The following ZNF423 variants were observed in gnomAD, a reference collection of about 807,000 sequenced individuals.
ZNF423 encodes Ebf-associated zinc finger protein.
ZNF423 carries 12 observed loss-of-function variants against 95.8 expected under a neutral mutation model. The observed-to-expected ratio is 0.13, with a 90% confidence interval of 0.08 to 0.20. The LOEUF is 0.20. Ranked by LOEUF, ZNF423 falls within the 10% of genes least tolerant of loss-of-function variation. The pLI is 1.00. For synonymous variants in ZNF423, 749 were observed against 711.9 expected (o/e 1.05, Z -0.83); for missense variants, 1,316 against 1,737.1 (o/e 0.76, Z 4.31).
intron 3 of ZNF423, among the ~76,000 whole-genome samples, chr16:49,646,574 C>CTTTTTTTTTTTTTTTTTTTTTTTT (rs71380366): frequency 2.7e-4 from 32 of 117,978 alleles, no homozygotes; most frequent in African/African-American, 7.4e-4. Flanking sequence ...TTTTCTTTTT[C>CTTTTTTTTTTTTTTTTTTTTTTTT]TTTTTTTTTT....
chr16:49,755,017 A>G (rs1189978343), intron 2 of ZNF423, among the ~76,000 whole-genome samples: 2 of 152,198 alleles, frequency 1.3e-5, no homozygotes, highest in Non-Finnish European at 2.9e-5. Context: ...CGGTGCGGCT[A>G]TCTTCCGCGG....
chr16:49,635,162 C>T lies in ZNF423; in HGVS notation c.3516+498G>A, dbSNP rs1972641337. Among the ~76,000 whole-genome samples the T allele has an allele frequency of 6.6e-6, 1 of 152,184 alleles. No individual in the cohort carries two copies. Among genetic ancestry groups the T allele is most frequent in the Non-Finnish European group, 1.5e-5 (1 of 68,036 alleles). On this transcript the variant is annotated intron_variant, in intron 4 of 7. Transcript: ENST00000563137. The surrounding 1 kb of genome is among the most constrained non-coding windows in gnomAD (Gnocchi z 4.8). Reference sequence around the variant, plus strand: ...GAGCCATGAGTGCTGGGCTCTCGGCCCCTTGTGTGTGTGTGATCTCTATGA... The same window carrying T: ...GAGCCATGAGTGCTGGGCTCTCGGCTCCTTGTGTGTGTGTGATCTCTATGA...
intron 3 of ZNF423, among the ~76,000 whole-genome samples, chr16:49,679,776 T>C (rs2031273818): frequency 6.6e-6 from 1 of 152,230 alleles, no homozygotes. Flanking sequence ...TAGCCAGAAA[T>C]GGCCTGAAAC....
intron 2 of ZNF423, among the ~76,000 whole-genome samples, chr16:49,743,140 G>A (rs908576172): frequency 2.0e-5 from 3 of 152,064 alleles, no homozygotes; most frequent in African/African-American, 7.2e-5. Context: ...GAGCCCCGCT[G>A]CCGCCCGCCT....
At chr16:49,768,607 C>T (rs918487109) in intron 2 of ZNF423, among the ~76,000 whole-genome samples, 1 of 152,174 alleles carries the variant, frequency 6.6e-6, no homozygotes, top group Non-Finnish European at 1.5e-5. Context: ...TGACACCTTT[C>T]TCCATCTCCT....
At chr16:49,719,494 T>C (rs1167447209) in intron 3 of ZNF423, among the ~76,000 whole-genome samples, 2 of 152,224 alleles carry the variant, frequency 1.3e-5, no homozygotes, top group Admixed American at 1.3e-4. Flanking sequence ...ATAGTCTGGC[T>C]CTGTGTCCCC....
At chr16:49,509,546 T>C (rs936968602) in intron 7 of ZNF423, among the ~76,000 whole-genome samples, 3 of 152,158 alleles carry the variant, frequency 2.0e-5, no homozygotes, top group African/African-American at 7.2e-5. Flanking sequence ...CTTGCATTTC[T>C]CATCATTAAT....
chr16:49,537,670 T>C (rs1385762849), intron 5 of ZNF423, among the ~76,000 whole-genome samples: 1 of 152,090 alleles, frequency 6.6e-6, no homozygotes, highest in East Asian at 1.9e-4. Flanking sequence ...AAAAGGTCTT[T>C]TCTGAGGTCA....
At chr16:49,633,222 A>C (rs1045981866) in intron 4 of ZNF423, among the ~76,000 whole-genome samples, 5 of 152,248 alleles carry the variant, frequency 3.3e-5, no homozygotes, top group Non-Finnish European at 7.3e-5. Flanking sequence ...AAATATTGTA[A>C]GGATTAAATA....
intron 1 of ZNF423, among the ~76,000 whole-genome samples, chr16:49,808,114 T>C (rs1172404214): frequency 6.6e-6 from 1 of 151,960 alleles, no homozygotes; most frequent in African/African-American, 2.4e-5. Flanking sequence ...AAGGCTGGAG[T>C]GCAGTGGCTG....
intron 2 of ZNF423, among the ~76,000 whole-genome samples, chr16:49,748,988 CT>C (rs1404160501): frequency 1.3e-5 from 2 of 152,194 alleles, no homozygotes; most frequent in Admixed American, 1.3e-4. Context: ...CAGGCTGCAG[CT>C]TTTCCACATG....
chr16:49,633,037 C>T (rs1056540421), intron 4 of ZNF423, among the ~76,000 whole-genome samples: 7 of 152,218 alleles, frequency 4.6e-5, no homozygotes, highest in Admixed American at 4.6e-4. Context: ...TGGCCTTTCC[C>T]TTCCTGCAGC....
At chr16:49,626,046 G>C in intron 5 of ZNF423, 124 bp downstream of exon 5, 1 of 913,578 alleles carries the variant, frequency 1.1e-6, no homozygotes, top group South Asian at 1.5e-5. Flanking sequence ...CATGTGCAAT[G>C]TCTCAGAAAC....
intron 3 of ZNF423, among the ~76,000 whole-genome samples, chr16:49,676,088 CACTT>C (rs2031034796): frequency 6.6e-6 from 1 of 152,236 alleles, no homozygotes; most frequent in Non-Finnish European, 1.5e-5. Flanking sequence ...AGTAAATAAA[CACTT>C]GCTGCATGAG....
intron 2 of ZNF423, among the ~76,000 whole-genome samples, chr16:49,747,986 T>C (rs1020532199): frequency 6.6e-6 from 1 of 152,244 alleles, no homozygotes; most frequent in South Asian, 2.1e-4. Flanking sequence ...CTGTCACTTG[T>C]AGTCCCAGCT....
chr16:49,504,275 T>A (rs532579475), intron 7 of ZNF423, among the ~76,000 whole-genome samples: 1 of 152,280 alleles, frequency 6.6e-6, no homozygotes, highest in Admixed American at 6.5e-5. Context: ...ATTTTTACAA[T>A]GAAAAACAGG....
At chr16:49,534,337 T>C (rs1217809140) in intron 5 of ZNF423, among the ~76,000 whole-genome samples, 1 of 151,806 alleles carries the variant, frequency 6.6e-6, no homozygotes, top group Non-Finnish European at 1.5e-5. Context: ...CACTGCAACC[T>C]CCATCTCCTG....
chr16:49,547,597 G>C (rs1418656483), intron 5 of ZNF423, among the ~76,000 whole-genome samples: 1 of 152,230 alleles, frequency 6.6e-6, no homozygotes, highest in East Asian at 1.9e-4. Flanking sequence ...CAGCTCCACA[G>C]TGGTGAGTGG....
At chr16:49,625,973 G>C (rs577336840) in intron 5 of ZNF423, among the ~76,000 whole-genome samples, 197 bp downstream of exon 5, 1 of 152,324 alleles carries the variant, frequency 6.6e-6, no homozygotes, top group Non-Finnish European at 1.5e-5. Context: ...ATTATAATGT[G>C]AGTGGAGCTG....
Sources: allele counts gnomAD v4.1 joint callset (sites outside exome capture counted in the v4.1 genomes callset), GRCh38; gene constraint gnomAD v4.1.1; non-coding constraint Gnocchi (gnomAD v3.1); transcripts MANE v1.5; gene names NCBI Gene and HGNC (gene_info 2026-07-23, HGNC 2026-07-21).